Variants in DNM3 observed in about 807,000 individuals in gnomAD.
DNM3 encodes the protein dynamin-3.
DNM3 carries 47 observed loss-of-function variants against 101.6 expected under a neutral mutation model. That is an observed-to-expected ratio of 0.46 (90% CI 0.37 to 0.59). The LOEUF (loss-of-function observed/expected upper bound fraction) is 0.59, where lower values mean the gene tolerates loss of function less well. Ranked by LOEUF, DNM3 falls within the 20% of genes least tolerant of loss-of-function variation. The pLI, the probability that DNM3 is intolerant of heterozygous loss-of-function variation, is 0.00. For missense variants in DNM3, 849 were observed against 1,085.7 expected, an observed-to-expected ratio of 0.78 and a Z score of 3.06; for synonymous variants, 385 against 387.9, an observed-to-expected ratio of 0.99 and a Z score of 0.09.
intron 1 of DNM3, among the ~76,000 whole-genome samples, chr1:171,846,948 G>C (rs1285942668): frequency 1.3e-5 from 2 of 152,158 alleles, no homozygotes; most frequent in African/African-American, 2.4e-5. Flanking sequence ...CATGTCAATA[G>C]GGGAGAAAAT....
intron 20 of DNM3, among the ~76,000 whole-genome samples, chr1:172,396,619 C>T (rs897457726): frequency 2.6e-5 from 4 of 152,154 alleles, no homozygotes; most frequent in African/African-American, 9.7e-5. Context: ...GAAAATAAGA[C>T]AGCATGAGAA....
At chr1:171,861,766 G>A (rs1482952989) in intron 1 of DNM3, among the ~76,000 whole-genome samples, 1 of 152,076 alleles carries the variant, frequency 6.6e-6, no homozygotes, top group Non-Finnish European at 1.5e-5. Context: ...AAAAACTTTT[G>A]TGCTTCAAGG....
chr1:172,369,766 A>G (rs2068225495), intron 17 of DNM3, among the ~76,000 whole-genome samples: 1 of 151,932 alleles, frequency 6.6e-6, no homozygotes, highest in African/African-American at 2.4e-5. Context: ...TTGATTACAT[A>G]TTGTATTAGT....
chr1:172,357,523 T>G (rs955479741), intron 17 of DNM3, among the ~76,000 whole-genome samples: 1 of 152,028 alleles, frequency 6.6e-6, no homozygotes, highest in South Asian at 2.1e-4. Context: ...AAATAACTGG[T>G]CAATACTGTA....
chr1:172,013,474 G>C (rs920673682), intron 4 of DNM3, among the ~76,000 whole-genome samples: 2 of 152,056 alleles, frequency 1.3e-5, no homozygotes, highest in Admixed American at 1.3e-4. Flanking sequence ...TCTGTGAATA[G>C]CTTAGAATAT....
intron 15 of DNM3, among the ~76,000 whole-genome samples, chr1:172,264,027 C>G (rs910657006): frequency 6.6e-6 from 1 of 152,138 alleles, no homozygotes; most frequent in Non-Finnish European, 1.5e-5. Flanking sequence ...CACTGCAGTT[C>G]TGAAGTGTCA....
chr1:172,135,494 G>A, intron 14 of DNM3, among the ~76,000 whole-genome samples: 1 of 150,278 alleles, frequency 6.7e-6, no homozygotes, highest in East Asian at 1.9e-4. Flanking sequence ...GTGTTTTTTT[G>A]TTTTTGTTTT....
At chr1:171,992,034 T>G (rs1222406334) in intron 4 of DNM3, among the ~76,000 whole-genome samples, 2 of 152,168 alleles carry the variant, frequency 1.3e-5, no homozygotes, top group African/African-American at 4.8e-5. Flanking sequence ...CTGTCTCACA[T>G]CCTCACAACT....
intron 1 of DNM3, among the ~76,000 whole-genome samples, chr1:171,897,981 C>T (rs2037962187): frequency 6.6e-6 from 1 of 151,364 alleles, no homozygotes; most frequent in Non-Finnish European, 1.5e-5. Flanking sequence ...GTTTATTACT[C>T]TTGTCTATAA....
In DNM3 at chr1:171,876,074, C is replaced by T. The variant is rs148003302; in HGVS notation, c.161+34257C>T. On this transcript the variant is annotated intron_variant, in intron 1 of 20. Transcript: ENST00000627582. Reference sequence around the variant, plus strand: ...TCCGCCCCCCTCGGCCTCGCAAAGTCCTGGGATTACAGGCGTGAGCCACTG... The same window carrying T: ...TCCGCCCCCCTCGGCCTCGCAAAGTTCTGGGATTACAGGCGTGAGCCACTG... Among the ~76,000 whole-genome samples the T allele has an allele frequency of 8.4e-3, 1,283 of 152,030 alleles. 25 individuals carry two copies. The highest frequency in any genetic ancestry group is 0.03 in the African/African-American group (1,226 of 41,456).
At chr1:172,241,108 T>C (rs958086685) in intron 14 of DNM3, among the ~76,000 whole-genome samples, 1 of 152,146 alleles carries the variant, frequency 6.6e-6, no homozygotes, top group Non-Finnish European at 1.5e-5. Context: ...TTTTCTGTTC[T>C]ACTATTTTCT....
intron 2 of DNM3, among the ~76,000 whole-genome samples, chr1:171,934,814 A>G (rs763303722): frequency 6.6e-6 from 1 of 152,216 alleles, no homozygotes; most frequent in African/African-American, 2.4e-5. Context: ...GGCTCAGGAC[A>G]GATACTATGT....
At chr1:172,218,729 A>G (rs1242501732) in intron 14 of DNM3, among the ~76,000 whole-genome samples, 1 of 152,174 alleles carries the variant, frequency 6.6e-6, no homozygotes, top group Non-Finnish European at 1.5e-5. Flanking sequence ...TTTAAGAGGT[A>G]TTATGAGTGA....
chr1:172,315,392 T>C (rs2065286487), intron 16 of DNM3, among the ~76,000 whole-genome samples: 1 of 152,196 alleles, frequency 6.6e-6, no homozygotes, highest in Non-Finnish European at 1.5e-5. Context: ...GACATAGAAT[T>C]ACTTTGACGA....
chr1:172,356,354 CTTAAT>C (rs1216185972), intron 17 of DNM3, among the ~76,000 whole-genome samples: 1 of 152,022 alleles, frequency 6.6e-6, no homozygotes, highest in Non-Finnish European at 1.5e-5. Context: ...CTAAACAGCA[CTTAAT>C]TTAATTACAT....
rs147209142 is a variant in DNM3 at position 172,189,327 on chromosome 1, G to T, written c.1659+58039G>T. Among the ~76,000 whole-genome samples, 568 of 152,024 alleles carry T rather than the reference G, an allele frequency of 3.7e-3. 9 individuals carry two copies. The highest frequency in any genetic ancestry group is 0.013 in the African/African-American group (542 of 41,488). ...ATTCTTCTTCTTGAGTATTATGTTG[G>T]CTATTCTGAGTCTTTTATTTTTCTA... is the stretch of plus-strand genomic sequence containing the variant. On this transcript the variant is annotated intron_variant, in intron 14 of 20. Transcript: ENST00000627582.
intron 15 of DNM3, among the ~76,000 whole-genome samples, chr1:172,298,919 G>GAAA (rs1462643007): frequency 1.3e-5 from 2 of 151,856 alleles, no homozygotes; most frequent in African/African-American, 4.8e-5. Flanking sequence ...AGGATAAAAA[G>GAAA]AAAAACAGAT....
chr1:172,075,197 A>T (rs747935605), intron 11 of DNM3, among the ~76,000 whole-genome samples: 1 of 151,696 alleles, frequency 6.6e-6, no homozygotes, highest in East Asian at 1.9e-4. Context: ...GTTCTTTGTA[A>T]ATTCTGGATA....
intron 16 of DNM3, among the ~76,000 whole-genome samples, chr1:172,319,992 A>T (rs2065616923): frequency 1.3e-5 from 2 of 151,932 alleles, no homozygotes; most frequent in Non-Finnish European, 2.9e-5. Flanking sequence ...CAAATGTCCA[A>T]CAATGATAGA....
Sources: allele counts gnomAD v4.1 joint callset (sites outside exome capture counted in the v4.1 genomes callset), GRCh38; gene constraint gnomAD v4.1.1; transcripts MANE v1.5; gene names NCBI Gene and HGNC (gene_info 2026-07-23, HGNC 2026-07-21).